KIF14: variants seen among roughly 807,000 people sequenced by gnomAD.
The protein encoded by KIF14 is kinesin family member 14, also known as kinesin-like protein KIF14.
KIF14 carries 98 observed loss-of-function variants against 176.2 expected under a neutral mutation model. The observed-to-expected ratio is 0.56, with a 90% CI of 0.47 to 0.66. The LOEUF (loss-of-function observed/expected upper bound fraction) is 0.66. Ranked by LOEUF, KIF14 falls within the 30% of genes least tolerant of loss-of-function variation. The pLI is 0.00. For missense variants in KIF14, 1,751 were observed against 1,920.4 expected, an observed-to-expected ratio of 0.91 and a Z score of 1.65; for synonymous variants, 566 against 632.2, an observed-to-expected ratio of 0.90 and a Z score of 1.57.
At chr1:200,600,657 A>G (rs1254666471) in intron 11 of KIF14, among the ~76,000 whole-genome samples, 154 bp from the exon 12 acceptor site, 1 of 152,210 alleles carries the variant, frequency 6.6e-6, no homozygotes, top group East Asian at 1.9e-4. Flanking sequence ...TCTACTTTAT[A>G]TAACCTATAA....
At chr1:200,567,630 T>G (rs879349435) in intron 23 of KIF14, among the ~76,000 whole-genome samples, 4 of 150,930 alleles carry the variant, frequency 2.7e-5, no homozygotes, top group Non-Finnish European at 5.9e-5. Context: ...AAACCAGAAA[T>G]AAATGAGAAG....
intron 27 of KIF14, among the ~76,000 whole-genome samples, chr1:200,556,159 T>G (rs1425404586): frequency 1.3e-5 from 2 of 152,210 alleles, no homozygotes; most frequent in Non-Finnish European, 2.9e-5. Flanking sequence ...CACATCTAAA[T>G]TCTAAGCCTT....
intron 4 of KIF14, among the ~76,000 whole-genome samples, chr1:200,613,669 A>C (rs966585176): frequency 6.6e-6 from 1 of 152,212 alleles, no homozygotes; most frequent in Non-Finnish European, 1.5e-5. Flanking sequence ...CAGAACCCCC[A>C]GAAGAGATTT....
At chr1:200,557,543 A>G (rs1183087828) in intron 27 of KIF14, among the ~76,000 whole-genome samples, 2 of 152,166 alleles carry the variant, frequency 1.3e-5, no homozygotes, top group Admixed American at 6.5e-5. Flanking sequence ...TCAAGGCTAC[A>G]TAGGAAGTAG....
In KIF14 at chr1:200,615,429, G is replaced by A; in HGVS notation, c.1293C>T (p.Leu431=). The A allele has an allele frequency of 3.7e-6, 6 of 1,614,022 alleles. No individual in the cohort carries two copies. Among genetic ancestry groups the A allele is most frequent in the Non-Finnish European group, 5.1e-6 (6 of 1,179,896 alleles). ...TGAAGCCTTCGAAGGCTCTTTCTAG[G>A]AGTGGTGCTGCTAGCTTCTCATAGA... ...TTVYEKLAAP[L]LERAFEGFNT... is the part of the protein sequence containing the mutation. Residue 431 remains leucine (L), a synonymous_variant, in exon 3 of 30, where the codon CTC becomes CTT. Transcript: ENST00000367350.
intron 2 of KIF14, among the ~76,000 whole-genome samples, chr1:200,615,895 C>T (rs1327165841): frequency 6.6e-6 from 1 of 151,790 alleles, no homozygotes; most frequent in East Asian, 1.9e-4. Context: ...TGAACTATAC[C>T]TTTTCCCATC....
chr1:200,582,725 C>T (rs1326817913), intron 19 of KIF14, among the ~76,000 whole-genome samples: 1 of 152,092 alleles, frequency 6.6e-6, no homozygotes, highest in Non-Finnish European at 1.5e-5. Context: ...TAGCGGATGC[C>T]TGTAGTCCCA....
At chr1:200,619,380 G>C (rs1353534528) in intron 1 of KIF14, among the ~76,000 whole-genome samples, 1 of 151,544 alleles carries the variant, frequency 6.6e-6, no homozygotes, top group Non-Finnish European at 1.5e-5. Flanking sequence ...TTGAGATGGA[G>C]TCTTGCTCTG....
Position 200,618,356 on chromosome 1 carries a change from CGTT to C in KIF14, c.365_367del (p.Gln122del), listed in dbSNP as rs1322396088. 1 of 1,613,970 alleles carries C rather than the reference CGTT, an allele frequency of 6.2e-7. No individual in the cohort carries two copies. Among genetic ancestry groups the C allele is most frequent in the Non-Finnish European group, 8.5e-7 (1 of 1,180,040 alleles). On this transcript the variant is annotated inframe_deletion, in exon 2 of 30. Transcript: ENST00000367350. ...TTCTGCAGAATCTGTTTTAGCACGA[CGTT>C]GTAATGTAAGACGTGTTTCTGCTGT...
In KIF14 at chr1:200,617,631, C is replaced by A. The variant is rs144699906; in HGVS notation, c.1093G>T (p.Val365Leu). Residue 365 changes from valine to leucine, a missense_variant, in exon 2 of 30, where the codon GTA (valine) becomes TTA (leucine). Val to Leu is a conservative substitution (Grantham distance 32, BLOSUM62 1). Coordinates refer to ENST00000367350, the MANE Select transcript of KIF14 (RefSeq NM_014875.3). ...ENSQVTVAVRVRPFTKREKIE... is the reference protein window; with the variant it reads ...ENSQVTVAVRLRPFTKREKIE... ...ACATACCTCTTGGTGAAAGGTCTTA[C>A]GCGTACTGCCACTGTCACTTGACTA... The A allele has an allele frequency of 1.6e-4, 265 of 1,610,968 alleles. No individual in the cohort carries two copies. In the African/African-American group the frequency reaches 2.9e-3, roughly 18 times the overall value.
chr1:200,618,459 C>G lies in KIF14; in HGVS notation c.265G>C (p.Ala89Pro). ...TTCCTTGTAGTTCTCCTCTGAAGTG[C>G]CAATCTACCTACAGGATTAGGGGTA... The part of the protein sequence containing the change: ...PLTPNPVGRL[A>P]LQRRTTRNKE... The change falls in exon 2 of 30, where the codon GCA becomes CCA. Residue 89 changes from alanine (A) to proline (P), a missense_variant. Transcript: ENST00000367350. 1 of 1,614,146 alleles carries G rather than the reference C, an allele frequency of 6.2e-7. No individual in the cohort carries two copies. Among genetic ancestry groups the G allele is most frequent in the Non-Finnish European group, 8.5e-7 (1 of 1,180,016 alleles).
At chr1:200,601,267 T>A (rs1438562038) in intron 11 of KIF14, among the ~76,000 whole-genome samples, 1 of 152,194 alleles carries the variant, frequency 6.6e-6, no homozygotes, top group Non-Finnish European at 1.5e-5. Flanking sequence ...GATAGACAAA[T>A]CAGATTCTTC....
At chr1:200,584,095 G>A (rs1658608771) in intron 19 of KIF14, among the ~76,000 whole-genome samples, 1 of 151,380 alleles carries the variant, frequency 6.6e-6, no homozygotes, top group Admixed American at 6.6e-5. Flanking sequence ...TACAAAAACT[G>A]TACTCCCAGC....
At chr1:200,582,168 A>G (rs1046712635) in intron 19 of KIF14, among the ~76,000 whole-genome samples, 1 of 151,908 alleles carries the variant, frequency 6.6e-6, no homozygotes, top group Admixed American at 6.6e-5. Context: ...GAAGGCCAGA[A>G]TTTCAAGGCT....
chr1:200,564,121 G>T (rs1218325232), intron 25 of KIF14, among the ~76,000 whole-genome samples: 1 of 152,070 alleles, frequency 6.6e-6, no homozygotes, highest in East Asian at 1.9e-4. Flanking sequence ...AATTAGCCGA[G>T]CATGGTGGTG....
chr1:200,600,160 A>G (rs1331008484), intron 12 of KIF14, 47 bp from the exon 13 acceptor site: 3 of 1,387,802 alleles, frequency 2.2e-6, no homozygotes, highest in Admixed American at 1.9e-5. Context: ...ATCCAGATGT[A>G]TAAGATTGAG....
intron 26 of KIF14, among the ~76,000 whole-genome samples, 191 bp from the exon 27 acceptor site, chr1:200,559,643 T>C (rs941017523): frequency 6.6e-6 from 1 of 152,216 alleles, no homozygotes; most frequent in Non-Finnish European, 1.5e-5. Flanking sequence ...GTCTGTGGTC[T>C]GTAAAGAAAT....
intron 21 of KIF14, among the ~76,000 whole-genome samples, chr1:200,576,944 C>G (rs1483408751): frequency 6.6e-6 from 1 of 151,796 alleles, no homozygotes; most frequent in East Asian, 2.0e-4. Flanking sequence ...ATCCTCTCAC[C>G]GCAGCCTTCC....
At chr1:200,586,794 T>C (rs202146118) in intron 18 of KIF14, among the ~76,000 whole-genome samples, 3 of 22,504 alleles carry the variant, frequency 1.3e-4, no homozygotes, top group African/African-American at 1.8e-4. Flanking sequence ...TACATACATA[T>C]ATATATATAT....
Sources: gnomAD v4.1 joint callset for allele counts (sites outside exome capture counted in the v4.1 genomes callset) on GRCh38, gnomAD v4.1.1 for gene constraint, MANE v1.5 for transcripts, NCBI Gene and HGNC (gene_info 2026-07-23, HGNC 2026-07-21) for gene names.